Variants in NSMCE4A observed in about 807,000 individuals in gnomAD.
NSMCE4A encodes non-structural maintenance of chromosomes element 4 homolog A.
NSMCE4A carries 40 observed loss-of-function variants against 47.9 expected under a neutral mutation model. The observed-to-expected ratio is 0.83, with a 90% CI of 0.65 to 1.09. NSMCE4A has a LOEUF of 1.09. NSMCE4A is among the 50% of genes least tolerant of loss of function. The pLI is 0.00. For missense variants in NSMCE4A, 500 were observed against 507.0 expected, an observed-to-expected ratio of 0.99 and a Z score of 0.13; for synonymous variants, 166 against 178.5, an observed-to-expected ratio of 0.93 and a Z score of 0.56.
At chr10:121,971,415 C>CAGA (rs1564999069) in intron 2 of NSMCE4A, among the ~76,000 whole-genome samples, 3 of 152,036 alleles carry the variant, frequency 2.0e-5, no homozygotes, top group Non-Finnish European at 2.9e-5. Flanking sequence ...GAGGCTGAGG[C>CAGA]AGAATGGCGT....
intron 10 of NSMCE4A, among the ~76,000 whole-genome samples, chr10:121,958,878 C>G (rs1034311924): frequency 6.7e-6 from 1 of 149,266 alleles, no homozygotes; most frequent in Non-Finnish European, 1.5e-5. Context: ...TGCAGTGGCA[C>G]GATCTCAGCC....
At chr10:121,965,410 AT>A (rs76497370) in intron 4 of NSMCE4A, 25 bp from the exon 5 acceptor site, 246,756 of 1,548,196 alleles carry the variant, frequency 0.16, 20,929 homozygotes, top group Middle Eastern at 0.18. Context: ...GCTTTCATTT[AT>A]TTTTTTTGCC....
At chr10:121,962,106 TC>T in intron 6 of NSMCE4A, 1 of 253,552 alleles carries the variant, frequency 3.9e-6, no homozygotes, top group South Asian at 2.2e-5. Flanking sequence ...TGAGACTGTC[TC>T]CTAAAAAAAA....
At chr10:121,962,070 A>T in intron 6 of NSMCE4A, 1 of 383,302 alleles carries the variant, frequency 2.6e-6, no homozygotes, top group Non-Finnish European at 5.1e-6. Context: ...AGATGGTGCC[A>T]CTGCATTCCA....
At position 121,960,330 on chromosome 10, in the gene NSMCE4A, T is replaced by C; in HGVS notation, c.988+28A>G. 7.0e-7 allele frequency: 1 copy of C among 1,426,886 alleles called. No individual in the cohort carries two copies. 88.4% of individuals were successfully genotyped at this position (1,426,886 alleles called of 1,614,324 possible). ...CTAACAAATATATTTTCTCTAAAAC[T>C]AATTTTTCCAAACATAGTATCATTT... On this transcript the variant is annotated intron_variant, in intron 8 of 10. Transcript: ENST00000369023. The surrounding 1 kb of genome is among the most constrained non-coding windows in gnomAD (Gnocchi z 4.2).
chr10:121,959,506 A>T lies in NSMCE4A; in HGVS notation c.1078T>A (p.Trp360Arg). Residue 360 changes from tryptophan to arginine, a missense_variant, in exon 9 of 11, where the codon TGG becomes AGG. Transcript: ENST00000369023. Reference sequence around the variant, plus strand: ...GGCAACAGGCAGAGCTTTACCTCCCAGTCACGGTAACTCAAAGCTATAATT... The same window carrying T: ...GGCAACAGGCAGAGCTTTACCTCCCTGTCACGGTAACTCAAAGCTATAATT... ...QGIIALSYRDWEEIVKTFEIS... is the reference protein window; with the variant it reads ...QGIIALSYRDREEIVKTFEIS... The T allele has an allele frequency of 5.6e-6, 9 of 1,613,874 alleles. No homozygotes were observed. The highest frequency in any genetic ancestry group is 3.3e-5 in the South Asian group (3 of 91,078).
At position 121,961,531 on chromosome 10, in the gene NSMCE4A, GA is replaced by G; in HGVS notation, c.845-15del. On this transcript the variant is annotated splice_polypyrimidine_tract_variant and intron_variant, in intron 6 of 10. Transcript: ENST00000369023. ...TTGGGGTATCAGCTATAGACAAAAA[GA>G]GAAAAAAAAATTGATTTTTGCTTGT... The G allele has an allele frequency of 6.6e-7, 1 of 1,512,376 alleles. No individual in the cohort carries two copies. The highest frequency in any genetic ancestry group is 8.8e-7 in the Non-Finnish European group (1 of 1,132,454). The allele number at this position is 1,512,376 out of a possible 1,614,324, so 93.7% of individuals were successfully genotyped here.
Position 121,974,942 on chromosome 10 carries a change from G to T in NSMCE4A, c.224C>A (p.Ala75Glu). The T allele has an allele frequency of 6.5e-7, 1 of 1,533,084 alleles. No homozygotes were observed. The highest frequency in any genetic ancestry group is 2.7e-5 in the East Asian group (1 of 36,956). 95.0% of individuals were successfully genotyped at this position (1,533,084 alleles called of 1,614,324 possible). A position where few individuals can be genotyped will look rare whatever the true frequency, so the allele number is the denominator to read the frequency against. The change falls in exon 1 of 11, where the codon GCG becomes GAG. Residue 75 changes from alanine to glutamate, a missense_variant. Coordinates refer to ENST00000369023, the MANE Select transcript of NSMCE4A (RefSeq NM_017615.3). ...DEMMDPASLEAEADQGLCRQI... is the reference protein window; with the variant it reads ...DEMMDPASLEEEADQGLCRQI... ...GCGGCACAGGCCTTGGTCGGCCTCC[G>T]CCTCCAAGCTGGCCGGGTCCATCAT...
intron 3 of NSMCE4A, among the ~76,000 whole-genome samples, chr10:121,968,498 C>G (rs1952647164): frequency 6.6e-6 from 1 of 152,136 alleles, no homozygotes; most frequent in African/African-American, 2.4e-5. Flanking sequence ...GCTTGTATCT[C>G]AGTATATCCA....
chr10:121,964,595 C>T (rs182305204), intron 5 of NSMCE4A, among the ~76,000 whole-genome samples: 26 of 151,976 alleles, frequency 1.7e-4, no homozygotes, highest in Admixed American at 1.4e-3. Context: ...GCACCTGCCA[C>T]CATACCTAGC....
intron 2 of NSMCE4A, among the ~76,000 whole-genome samples, chr10:121,971,540 C>T (rs1021098824): frequency 3.3e-5 from 5 of 151,322 alleles, no homozygotes; most frequent in African/African-American, 1.2e-4. Context: ...AAACTTTCTC[C>T]TGTGCCCAAC....
At chr10:121,968,545 A>G (rs1280641143) in intron 3 of NSMCE4A, among the ~76,000 whole-genome samples, 3 of 152,192 alleles carry the variant, frequency 2.0e-5, no homozygotes, top group Non-Finnish European at 4.4e-5. Context: ...AGAATGGCTC[A>G]TCTTAAAATT....
chr10:121,960,412 A>G lies in NSMCE4A; in HGVS notation c.940-6T>C. Reference sequence around the variant, plus strand: ...CTTATTCTTGCAAAACCATCCTAAAACGAAAACATGATTTTAGGAGAAGAC... The same window carrying G: ...CTTATTCTTGCAAAACCATCCTAAAGCGAAAACATGATTTTAGGAGAAGAC... On this transcript the variant is annotated splice_region_variant and splice_polypyrimidine_tract_variant and intron_variant, in intron 7 of 10. Transcript: ENST00000369023. This position sits in a 1 kb window ranked among gnomAD's most constrained non-coding sequence, Gnocchi z 4.2. 1 of 1,507,030 alleles carries G rather than the reference A, an allele frequency of 6.6e-7. No individual in the cohort carries two copies. The highest frequency in any genetic ancestry group is 8.8e-7 in the Non-Finnish European group (1 of 1,141,504). 93.4% of individuals were successfully genotyped at this position (1,507,030 alleles called of 1,614,324 possible).
chr10:121,969,279 G>A (rs1172333613), intron 3 of NSMCE4A, among the ~76,000 whole-genome samples: 1 of 152,122 alleles, frequency 6.6e-6, no homozygotes, highest in Non-Finnish European at 1.5e-5. Flanking sequence ...AGGTTGCGGT[G>A]AGCTGAGATC....
At chr10:121,971,281 C>T (rs552778806) in intron 2 of NSMCE4A, among the ~76,000 whole-genome samples, 33 of 152,102 alleles carry the variant, frequency 2.2e-4, no homozygotes, top group Non-Finnish European at 4.6e-4. Flanking sequence ...GAGGCCAAGG[C>T]GGGCGGATCA....
At chr10:121,970,801 G>C in intron 3 of NSMCE4A, 138 bp downstream of exon 3, 1 of 680,286 alleles carries the variant, frequency 1.5e-6, no homozygotes. Flanking sequence ...TGTTTAAATT[G>C]GTAAGATCTC....
intron 10 of NSMCE4A, 22 bp from the exon 11 acceptor site, chr10:121,957,281 G>T (rs1402937058): frequency 1.3e-5 from 2 of 152,388 alleles, no homozygotes; most frequent in Admixed American, 6.6e-5. Flanking sequence ...AAGAATAGCT[G>T]GTTAACAGTT....
At chr10:121,974,814 C>T (rs1181912089) in intron 1 of NSMCE4A, 60 bp downstream of exon 1, 2 of 1,248,244 alleles carry the variant, frequency 1.6e-6, no homozygotes, top group East Asian at 3.2e-5. Context: ...CCCCCGCGCC[C>T]GGCGCAGGGC....
chr10:121,974,674 G>A (rs1952782912), intron 1 of NSMCE4A, 200 bp downstream of exon 1: 3 of 1,100,356 alleles, frequency 2.7e-6, no homozygotes, highest in Admixed American at 1.0e-4. Context: ...CCGCGCCAAG[G>A]TCGTACGGCT....
Sources: allele counts gnomAD v4.1 joint callset (sites outside exome capture counted in the v4.1 genomes callset), GRCh38; gene constraint gnomAD v4.1.1; non-coding constraint Gnocchi (gnomAD v3.1); transcripts MANE v1.5; gene names NCBI Gene and HGNC (gene_info 2026-07-23, HGNC 2026-07-21).